RAD18: variants seen among roughly 807,000 people sequenced by gnomAD.
The protein encoded by RAD18 is RAD18 E3 ubiquitin protein ligase.
Under a neutral mutation model 60.4 loss-of-function variants are expected in RAD18, and 47 were observed. The observed-to-expected ratio is 0.78, with a 90% CI of 0.62 to 0.99. RAD18 has a LOEUF of 0.99. Ranked by LOEUF, RAD18 falls within the 50% of genes least tolerant of loss-of-function variation. RAD18 has a pLI of 0.00. For missense variants in RAD18, 640 were observed against 593.3 expected, an observed-to-expected ratio of 1.08 and a Z score of -0.82; for synonymous variants, 225 against 195.5, an observed-to-expected ratio of 1.15 and a Z score of -1.26.
intron 2 of RAD18, among the ~76,000 whole-genome samples, chr3:8,953,368 T>C (rs1574827964): frequency 6.6e-6 from 1 of 152,070 alleles, no homozygotes; most frequent in Non-Finnish European, 1.5e-5. Context: ...TAATCTTGTA[T>C]ATCTTTCCTC....
At chr3:8,900,417 T>C (rs1206163401) in intron 10 of RAD18, among the ~76,000 whole-genome samples, 1 of 152,180 alleles carries the variant, frequency 6.6e-6, no homozygotes, top group Non-Finnish European at 1.5e-5. Context: ...CTTAAAACAA[T>C]CTTTTATTTT....
chr3:8,928,945 G>A (rs1940499096), intron 7 of RAD18, among the ~76,000 whole-genome samples: 1 of 129,110 alleles, frequency 7.7e-6, no homozygotes, highest in African/African-American at 2.8e-5. Flanking sequence ...TAATAAAAAG[G>A]TATCTAAGAA....
At chr3:8,959,726 G>A (rs1263822573) in intron 1 of RAD18, among the ~76,000 whole-genome samples, 1 of 152,100 alleles carries the variant, frequency 6.6e-6, no homozygotes, top group African/African-American at 2.4e-5. Flanking sequence ...CTTTCAAATT[G>A]TTTAAAATAA....
chr3:8,914,681 T>C (rs981362159), intron 7 of RAD18, among the ~76,000 whole-genome samples: 1 of 152,130 alleles, frequency 6.6e-6, no homozygotes, highest in Non-Finnish European at 1.5e-5. Context: ...GTAGAAACAA[T>C]GTAAACAATC....
At chr3:8,922,558 G>A (rs1395209258) in intron 7 of RAD18, among the ~76,000 whole-genome samples, 2 of 152,202 alleles carry the variant, frequency 1.3e-5, no homozygotes, top group Admixed American at 6.5e-5. Context: ...TGACAGCTTG[G>A]AAGACAGCAG....
At chr3:8,960,260 T>C (rs868670804) in intron 1 of RAD18, among the ~76,000 whole-genome samples, 11 of 152,182 alleles carry the variant, frequency 7.2e-5, no homozygotes, top group African/African-American at 2.7e-4. Flanking sequence ...TGAGCCGTGA[T>C]TGCCACTGCA....
chr3:8,894,962 T>A (rs568639514), intron 11 of RAD18, among the ~76,000 whole-genome samples: 1 of 152,010 alleles, frequency 6.6e-6, no homozygotes, highest in Non-Finnish European at 1.5e-5. Context: ...GGTTTCACCA[T>A]GTGGCCAGGC....
intron 1 of RAD18, among the ~76,000 whole-genome samples, chr3:8,961,164 C>G (rs527610047): frequency 6.6e-6 from 1 of 152,274 alleles, no homozygotes; most frequent in South Asian, 2.1e-4. Context: ...TGGAAGTTGA[C>G]ACTACATCAG....
At chr3:8,955,287 GA>G (rs2124844198) in intron 2 of RAD18, among the ~76,000 whole-genome samples, 1 of 152,286 alleles carries the variant, frequency 6.6e-6, no homozygotes, top group East Asian at 1.9e-4. Flanking sequence ...CCTGGGGAGA[GA>G]AAGAAGGGAA....
At chr3:8,944,962 G>C (rs1940816014) in intron 4 of RAD18, among the ~76,000 whole-genome samples, 1 of 152,136 alleles carries the variant, frequency 6.6e-6, no homozygotes, top group Admixed American at 6.5e-5. Flanking sequence ...TAATCACAGA[G>C]CAAAAATGTT....
At chr3:8,890,506 A>C (rs1458123487) in intron 11 of RAD18, 55 bp from the exon 12 acceptor site, 1 of 1,282,548 alleles carries the variant, frequency 7.8e-7, no homozygotes, top group Non-Finnish European at 1.1e-6. Context: ...GTATCGTCCC[A>C]TTTATATAAA....
chr3:8,896,970 ATTAGG>A (rs1273945569), intron 11 of RAD18, among the ~76,000 whole-genome samples: 1 of 152,236 alleles, frequency 6.6e-6, no homozygotes, highest in East Asian at 1.9e-4. Context: ...AAATAAGAAC[ATTAGG>A]TTAGTTCCAA....
intron 11 of RAD18, among the ~76,000 whole-genome samples, chr3:8,891,060 A>G (rs1049656217): frequency 1.9e-5 from 2 of 106,220 alleles, no homozygotes; most frequent in Admixed American, 2.0e-4. Context: ...ACATGTATAA[A>G]GCATATATAT....
intron 11 of RAD18, among the ~76,000 whole-genome samples, chr3:8,891,079 T>A (rs605221): frequency 1.9e-3 from 13 of 6,916 alleles, no homozygotes; most frequent in African/African-American, 3.6e-3. Flanking sequence ...ATATAAAATA[T>A]ATATATATAT....
intron 9 of RAD18, among the ~76,000 whole-genome samples, chr3:8,904,258 A>G (rs1939965688): frequency 6.6e-6 from 1 of 152,176 alleles, no homozygotes; most frequent in Non-Finnish European, 1.5e-5. Context: ...ACACATGTTC[A>G]TTTTACATCC....
chr3:8,890,538 GTCTATAGTGA>G, intron 11 of RAD18, 87 bp from the exon 12 acceptor site: 1 of 1,027,738 alleles, frequency 9.7e-7, no homozygotes, highest in Non-Finnish European at 1.5e-6. Context: ...AAACAAATGA[GTCTATAGTGA>G]CAGAAAGCAA....
At chr3:8,946,789 T>C (rs45552831) in intron 4 of RAD18, among the ~76,000 whole-genome samples, 3,563 of 152,262 alleles carry the variant, frequency 0.023, 134 homozygotes, top group African/African-American at 0.08. Flanking sequence ...ATATATAACA[T>C]ACATATATTA....
At chr3:8,932,974 T>C (rs1200594287) in intron 7 of RAD18, among the ~76,000 whole-genome samples, 1 of 152,008 alleles carries the variant, frequency 6.6e-6, no homozygotes, top group Admixed American at 6.5e-5. Flanking sequence ...CAGGCACCTG[T>C]AGTCCCAGCT....
intron 7 of RAD18, among the ~76,000 whole-genome samples, chr3:8,934,341 G>A (rs1329353000): frequency 6.6e-6 from 1 of 152,146 alleles, no homozygotes; most frequent in Non-Finnish European, 1.5e-5. Context: ...AATTAGAAAT[G>A]TACATACATC....
Sources: gnomAD v4.1 joint callset for allele counts (sites outside exome capture counted in the v4.1 genomes callset) on GRCh38, gnomAD v4.1.1 for gene constraint, MANE v1.5 for transcripts, NCBI Gene and HGNC (gene_info 2026-07-23, HGNC 2026-07-21) for gene names.